RGS17: variants seen among roughly 807,000 people sequenced by gnomAD.
RGS17 encodes the protein regulator of G-protein signaling 17.
Under a neutral mutation model 25.5 loss-of-function variants are expected in RGS17, and 12 were observed. That is an observed-to-expected ratio of 0.47 (90% CI 0.30 to 0.76). The LOEUF is 0.76. Among genes scored for constraint, RGS17 ranks in the 30% least tolerant of loss-of-function variants. The pLI, the probability that RGS17 is intolerant of heterozygous loss-of-function variation, is 0.07. For synonymous variants in RGS17, 71 were observed against 76.9 expected (o/e 0.92, Z 0.40); for missense variants, 196 against 242.2 (o/e 0.81, Z 1.27).
At chr6:153,032,843 CATT>C (rs1776170991) in intron 2 of RGS17, among the ~76,000 whole-genome samples, 1 of 152,210 alleles carries the variant, frequency 6.6e-6, no homozygotes. Flanking sequence ...TTAACATTGT[CATT>C]ATCGTTTCCG....
chr6:153,067,604 G>C (rs2129116361), intron 1 of RGS17, among the ~76,000 whole-genome samples: 1 of 152,208 alleles, frequency 6.6e-6, no homozygotes, highest in Admixed American at 6.5e-5. Flanking sequence ...GTTAACCAAA[G>C]CAGTGAAAGA....
intron 2 of RGS17, among the ~76,000 whole-genome samples, chr6:153,027,777 G>A (rs1181831140): frequency 6.6e-6 from 1 of 152,132 alleles, no homozygotes; most frequent in East Asian, 1.9e-4. Flanking sequence ...CTGAGTGCCT[G>A]CTATGAACCA....
At chr6:153,047,037 C>T (rs1004055822) in intron 1 of RGS17, among the ~76,000 whole-genome samples, 1 of 152,116 alleles carries the variant, frequency 6.6e-6, no homozygotes, top group African/African-American at 2.4e-5. Context: ...TTTCCATGAG[C>T]AATATTAGAT....
rs116875607 is a variant in RGS17, at chr6:153,067,203, T to C, written c.-25-23160A>G. On this transcript the variant is annotated intron_variant, in intron 1 of 4. Transcript: ENST00000206262. ...CCATATATGACAGAAACACAGCTAG[T>C]ATACTGAATGGGAAAAAAATGGAAA... Among the ~76,000 whole-genome samples the C allele has an allele frequency of 1.1e-4, 17 of 152,176 alleles. No homozygotes were observed. In the East Asian group the frequency reaches 3.3e-3, roughly 29 times the overall value.
intron 2 of RGS17, among the ~76,000 whole-genome samples, chr6:153,030,789 G>A (rs2129107824): frequency 6.6e-6 from 1 of 152,264 alleles, no homozygotes; most frequent in Non-Finnish European, 1.5e-5. Flanking sequence ...TCCCTGGTTG[G>A]ACATAAAAGG....
Position 153,087,389 on chromosome 6 carries a change from ACTAT to A in RGS17, c.-25-43350_-25-43347del, listed in dbSNP as rs376144104. ...ACCTAGGAATAATGCTTAATGTTTG[ACTAT>A]CTATCGAAAGCTATCTATCGAATCT... On this transcript the variant is annotated intron_variant, in intron 1 of 4. Transcript: ENST00000206262. Among the ~76,000 whole-genome samples the A allele has an allele frequency of 3.8e-3, 582 of 152,338 alleles. 1 individual carries two copies. Among genetic ancestry groups the A allele is most frequent in the Non-Finnish European group, 6.7e-3 (455 of 68,016 alleles).
In RGS17 at chr6:153,006,737, C is replaced by T. The variant is rs181904354; in HGVS notation, c.*4837G>A. On this transcript the variant is annotated 3_prime_UTR_variant, in exon 5 of 5. Coordinates refer to ENST00000206262, the MANE Select transcript of RGS17 (RefSeq NM_012419.5). Reference sequence around the variant, plus strand: ...TGTATGCCACACTTTATTCTTTCCACGTTTGTTTTATTTAATGCTCATAGT... The same window carrying T: ...TGTATGCCACACTTTATTCTTTCCATGTTTGTTTTATTTAATGCTCATAGT... 3 of 152,102 alleles carry T rather than the reference C, an allele frequency of 2.0e-5. No individual in the cohort carries two copies. The highest frequency in any genetic ancestry group is 4.8e-5 in the African/African-American group (2 of 41,414). 9.4% of individuals were successfully genotyped at this position (152,102 alleles called of 1,614,324 possible). A position where few individuals can be genotyped will look rare whatever the true frequency, so the allele number is the denominator to read the frequency against.
intron 2 of RGS17, among the ~76,000 whole-genome samples, chr6:153,031,954 G>T (rs531088896): frequency 6.6e-6 from 1 of 152,172 alleles, no homozygotes; most frequent in Non-Finnish European, 1.5e-5. Context: ...AAGTAACACC[G>T]TTAATGACTG....
At chr6:153,031,809 G>A (rs1779366646) in intron 2 of RGS17, among the ~76,000 whole-genome samples, 2 of 152,120 alleles carry the variant, frequency 1.3e-5, no homozygotes, top group Non-Finnish European at 2.9e-5. Flanking sequence ...CACTCCATAG[G>A]AGCTGTTGCC....
chr6:153,033,633 G>A (rs1428258612), intron 2 of RGS17, among the ~76,000 whole-genome samples: 4 of 152,120 alleles, frequency 2.6e-5, no homozygotes, highest in African/African-American at 7.2e-5. Context: ...CACAGAAATC[G>A]CTTGAGCCCC....
At position 153,006,527 on chromosome 6, in the gene RGS17, T is replaced by C. The variant is rs1267038080; in HGVS notation, c.*5047A>G. 1.3e-5 allele frequency: 2 copies of C among 152,562 alleles called. No homozygotes were observed. The highest frequency in any genetic ancestry group is 2.1e-4 in the South Asian group (1 of 4,826). 9.5% of individuals were successfully genotyped at this position (152,562 alleles called of 1,614,324 possible). On this transcript the variant is annotated 3_prime_UTR_variant, in exon 5 of 5. Coordinates refer to ENST00000206262, the MANE Select transcript of RGS17 (RefSeq NM_012419.5). The stretch of plus-strand genomic sequence containing the variant: ...AAAGTACTGATTTGGGATCACATTA[T>C]TGAGAAAAGCAGTAACACTGATATA...
chr6:153,101,451 G>A (rs535871010), intron 1 of RGS17, among the ~76,000 whole-genome samples: 1 of 152,274 alleles, frequency 6.6e-6, no homozygotes, highest in South Asian at 2.1e-4. Context: ...GCATCTATTA[G>A]TGATCATATT....
Position 153,011,443 on chromosome 6 carries a change from A to AT in RGS17, c.*130dup. 1 of 640,470 alleles carries AT rather than the reference A, an allele frequency of 1.6e-6. No homozygotes were observed. The highest frequency in any genetic ancestry group is 2.7e-6 in the Non-Finnish European group (1 of 369,492). The allele number at this position is 640,470 out of a possible 1,614,324, so 39.7% of individuals were successfully genotyped here. A position where few individuals can be genotyped will look rare whatever the true frequency, so the allele number is the denominator to read the frequency against. On this transcript the variant is annotated 3_prime_UTR_variant, in exon 5 of 5. Transcript: ENST00000206262. ...CTTGATAAAAATGGAGACAAAGACC[A>AT]TAACGGTTGTGTTTTCACAGTAGCC...
Position 153,005,575 on chromosome 6 carries a change from G to A in RGS17, c.*5999C>T, listed in dbSNP as rs1330074796. The A allele has an allele frequency of 6.6e-6, 1 of 152,124 alleles. No individual in the cohort carries two copies. The highest frequency in any genetic ancestry group is 6.6e-5 in the Admixed American group (1 of 15,266). 9.4% of individuals were successfully genotyped at this position (152,124 alleles called of 1,614,324 possible). A position where few individuals can be genotyped will look rare whatever the true frequency, so the allele number is the denominator to read the frequency against. The stretch of plus-strand genomic sequence containing the variant: ...AACTGTCACAGCTAAGACGAGTCCC[G>A]GTGATGGCATATACCTTTGATACCA... On this transcript the variant is annotated 3_prime_UTR_variant, in exon 5 of 5. Transcript: ENST00000206262.
At chr6:153,078,701 G>C (rs540421289) in intron 1 of RGS17, among the ~76,000 whole-genome samples, 1 of 151,756 alleles carries the variant, frequency 6.6e-6, no homozygotes, top group South Asian at 2.1e-4. Context: ...TATACTTTTA[G>C]CAACTTTATT....
intron 1 of RGS17, among the ~76,000 whole-genome samples, chr6:153,061,315 TC>T (rs1194974308): frequency 6.6e-6 from 1 of 152,164 alleles, no homozygotes; most frequent in African/African-American, 2.4e-5. Flanking sequence ...ACTGTGCCAT[TC>T]TAAAATAAAA....
chr6:153,106,643 G>A (rs928233506), intron 1 of RGS17, among the ~76,000 whole-genome samples: 2 of 151,846 alleles, frequency 1.3e-5, no homozygotes, highest in African/African-American at 2.4e-5. Flanking sequence ...TTAATTCATA[G>A]TAATTATATA....
rs568229548 is a variant in RGS17 at position 153,021,964 on chromosome 6, T to C, written c.444+2298A>G. On this transcript the variant is annotated intron_variant, in intron 4 of 4. Coordinates refer to ENST00000206262, the MANE Select transcript of RGS17 (RefSeq NM_012419.5). ...GGCTCACACCCGTAATCCCAGCACT[T>C]TGGGAGGCTGAGGCAGGCAGGTCAC... Among the ~76,000 whole-genome samples, 3 of 152,208 alleles carry C rather than the reference T, an allele frequency of 2.0e-5. No individual in the cohort carries two copies. In the East Asian group the frequency reaches 5.8e-4, roughly 29 times the overall value.
At chr6:153,050,656 A>C (rs1776449879) in intron 1 of RGS17, among the ~76,000 whole-genome samples, 1 of 152,232 alleles carries the variant, frequency 6.6e-6, no homozygotes, top group Non-Finnish European at 1.5e-5. Context: ...TTTGAAGAAC[A>C]ATATTGACTA....
Sources: gnomAD v4.1 joint callset for allele counts (sites outside exome capture counted in the v4.1 genomes callset) on GRCh38, gnomAD v4.1.1 for gene constraint, MANE v1.5 for transcripts, NCBI Gene and HGNC (gene_info 2026-07-23, HGNC 2026-07-21) for gene names.